Variants in GABRG1 observed in about 807,000 individuals in gnomAD.
The protein encoded by GABRG1 is gamma-aminobutyric acid receptor subunit gamma-1.
GABRG1 carries 49 observed loss-of-function variants against 49.8 expected under a neutral mutation model. That is an observed-to-expected ratio of 0.98 (90% CI 0.78 to 1.25). GABRG1 has a LOEUF of 1.25. GABRG1 is among the 50% of genes most tolerant of loss of function. GABRG1 has a pLI of 0.00. For missense variants in GABRG1, 552 were observed against 552.3 expected (o/e 1.00, Z 0.01); for synonymous variants, 232 against 185.1 (o/e 1.25, Z -2.06).
intron 1 of GABRG1, among the ~76,000 whole-genome samples, chr4:46,105,828 G>GATAC (rs1401375191): frequency 6.7e-6 from 1 of 149,646 alleles, no homozygotes; most frequent in Non-Finnish European, 1.5e-5. Flanking sequence ...TAGATAGATA[G>GATAC]ATAGATGATA....
chr4:46,078,201 A>C (rs1182071709), intron 3 of GABRG1, among the ~76,000 whole-genome samples: 1 of 151,962 alleles, frequency 6.6e-6, no homozygotes, highest in South Asian at 2.1e-4. Context: ...GTGTTTCCTA[A>C]AGTACTGCAA....
chr4:46,073,068 A>AT lies in GABRG1; in HGVS notation c.322-7485dup, dbSNP rs1189214518. 2.2e-3 allele frequency among the ~76,000 whole-genome samples: 332 copies of AT among 152,112 alleles called. 1 individual carries two copies. The highest frequency in any genetic ancestry group is 7.4e-3 in the African/African-American group (307 of 41,562). The stretch of plus-strand genomic sequence containing the variant: ...ATGCCATAAAATAATTTAAAAAATA[A>AT]TTATCCAAAAACATGCCTACTATTT... On this transcript the variant is annotated intron_variant, in intron 3 of 8. Transcript: ENST00000295452.
At chr4:46,078,933 C>G (rs1272626618) in intron 3 of GABRG1, among the ~76,000 whole-genome samples, 1 of 151,814 alleles carries the variant, frequency 6.6e-6, no homozygotes, top group African/African-American at 2.4e-5. Flanking sequence ...AGCCTATCTA[C>G]ATTAAGGTTG....
intron 1 of GABRG1, among the ~76,000 whole-genome samples, chr4:46,102,728 T>A (rs1429808314): frequency 6.6e-6 from 1 of 151,652 alleles, no homozygotes; most frequent in African/African-American, 2.4e-5. Flanking sequence ...ACAAATTTCT[T>A]TGATGACAAG....
rs147130942 is a variant in GABRG1 at position 46,104,310 on chromosome 4, A to C, written c.105-6961T>G. ...AAAAGTAGATAATGATGTAATCATCAACTGTCTATGAAACCAATACACAGT... is the reference window on the plus strand; with the variant it reads ...AAAAGTAGATAATGATGTAATCATCCACTGTCTATGAAACCAATACACAGT... On this transcript the variant is annotated intron_variant, in intron 1 of 8. Coordinates refer to ENST00000295452, the MANE Select transcript of GABRG1 (RefSeq NM_173536.4). Among the ~76,000 whole-genome samples the C allele has an allele frequency of 4.3e-3, 648 of 151,664 alleles. 1 individual carries two copies. Among genetic ancestry groups the C allele is most frequent in the African/African-American group, 0.015 (628 of 41,480 alleles).
chr4:46,055,274 C>T (rs1718391365), intron 7 of GABRG1, among the ~76,000 whole-genome samples: 1 of 6,792 alleles, frequency 1.5e-4, no homozygotes, highest in Admixed American at 1.6e-3. Flanking sequence ...CAAACAACCC[C>T]ATCAAAAAGT....
chr4:46,087,892 A>G (rs1420196704), intron 2 of GABRG1, among the ~76,000 whole-genome samples: 1 of 152,004 alleles, frequency 6.6e-6, no homozygotes, highest in Admixed American at 6.6e-5. Context: ...GTACATAGGG[A>G]TAAGTAGATT....
At chr4:46,111,979 A>T (rs538656207) in intron 1 of GABRG1, among the ~76,000 whole-genome samples, 1 of 151,516 alleles carries the variant, frequency 6.6e-6, no homozygotes, top group South Asian at 2.1e-4. Context: ...ACAAAAACAA[A>T]AATGGACATG....
chr4:46,068,335 G>A (rs982104631), intron 3 of GABRG1, among the ~76,000 whole-genome samples: 1 of 152,122 alleles, frequency 6.6e-6, no homozygotes, highest in African/African-American at 2.4e-5. Context: ...GTTATACTTA[G>A]CTGCAGTATT....
At chr4:46,051,321 G>T in intron 8 of GABRG1, 103 bp downstream of exon 8, 1 of 815,938 alleles carries the variant, frequency 1.2e-6, no homozygotes, top group Non-Finnish European at 1.9e-6. Flanking sequence ...TTGGTTATGG[G>T]TCTCAAGCGT....
At chr4:46,117,550 GTCTC>G (rs373546541) in intron 1 of GABRG1, among the ~76,000 whole-genome samples, 1,804 of 116,592 alleles carry the variant, frequency 0.015, 14 homozygotes, top group Non-Finnish European at 0.026. Flanking sequence ...TGTTATCTCT[GTCTC>G]TCTCTCTCTC....
chr4:46,071,267 T>C (rs148438315), intron 3 of GABRG1, among the ~76,000 whole-genome samples: 166 of 151,956 alleles, frequency 1.1e-3, no homozygotes, highest in African/African-American at 3.8e-3. Flanking sequence ...ATTTCTATCA[T>C]TATTTCAGAT....
chr4:46,052,228 TAA>T (rs11308746), intron 7 of GABRG1, among the ~76,000 whole-genome samples: 12 of 146,604 alleles, frequency 8.2e-5, no homozygotes, highest in Admixed American at 4.1e-4. Context: ...CGCCTTGAAA[TAA>T]AAAAAAAAAA....
chr4:46,087,464 C>A (rs1246549440), intron 2 of GABRG1, among the ~76,000 whole-genome samples: 1 of 151,302 alleles, frequency 6.6e-6, no homozygotes, highest in Non-Finnish European at 1.5e-5. Flanking sequence ...CTTTAAAAAT[C>A]CCTAAATATT....
chr4:46,097,437 A>G lies in GABRG1; in HGVS notation c.105-88T>C, dbSNP rs1720216897. 22 of 1,277,556 alleles carry G rather than the reference A, an allele frequency of 1.7e-5. No homozygotes were observed. In the Admixed American group the frequency reaches 5.2e-4, roughly 30 times the overall value. 79.1% of individuals were successfully genotyped at this position (1,277,556 alleles called of 1,614,324 possible). A position where few individuals can be genotyped will look rare whatever the true frequency, so the allele number is the denominator to read the frequency against. Reference sequence around the variant, plus strand: ...AGTTTAAGTATGTTACAATTGAGTAAGAAAGTAATAATGGCAGACAAAAAG... The same window carrying G: ...AGTTTAAGTATGTTACAATTGAGTAGGAAAGTAATAATGGCAGACAAAAAG... On this transcript the variant is annotated intron_variant, in intron 1 of 8. Coordinates refer to ENST00000295452, the MANE Select transcript of GABRG1 (RefSeq NM_173536.4).
Position 46,065,542 on chromosome 4 carries a change from TG to T in GABRG1, c.363del (p.Asp121GlufsTer4). On this transcript the variant is annotated frameshift_variant, in exon 4 of 9. Transcript: ENST00000295452. LOFTEE classifies it high-confidence loss of function. Reference sequence around the variant, plus strand: ...ATGGTACTATTGAATTTTAAACGACTGTCAAACCAGGTTTGGGCAAAAATTA... The same window carrying T: ...ATGGTACTATTGAATTTTAAACGACTTCAAACCAGGTTTGGGCAAAAATTA... Reference protein sequence around the residue: ...IDIIFAQTWFDSRLKFNSTMK... With the variant: ...IDIIFAQTWFXSRLKFNSTMK... 2 of 1,605,726 alleles carry T rather than the reference TG, an allele frequency of 1.2e-6. No individual in the cohort carries two copies. The highest frequency in any genetic ancestry group is 1.7e-6 in the Non-Finnish European group (2 of 1,172,992).
chr4:46,058,590 A>G lies in GABRG1; in HGVS notation c.658T>C (p.Trp220Arg). 3.7e-6 allele frequency: 6 copies of G among 1,612,726 alleles called. No individual in the cohort carries two copies. Among genetic ancestry groups the G allele is most frequent in the Non-Finnish European group, 5.1e-6 (6 of 1,179,210 alleles). Residue 220 changes from tryptophan (W) to arginine (R), a missense_variant, in exon 6 of 9, where the codon TGG becomes CGG. Trp to Arg is a moderately radical substitution (Grantham distance 101). Coordinates refer to ENST00000295452, the MANE Select transcript of GABRG1 (RefSeq NM_173536.4). The stretch of plus-strand genomic sequence containing the variant: ...GCCACTTCTACGGAGGGCTTTTTCC[A>G]CTTATACTCAATTTCATTTTTAGGG... ...GYPKNEIEYK[W>R]KKPSVEVADP...
At chr4:46,089,305 G>A (rs146973610) in intron 2 of GABRG1, among the ~76,000 whole-genome samples, 70 of 152,102 alleles carry the variant, frequency 4.6e-4, no homozygotes, top group Non-Finnish European at 7.9e-4. Context: ...TTATTTATAC[G>A]TCAAGCCTTT....
intron 1 of GABRG1, among the ~76,000 whole-genome samples, chr4:46,122,071 T>G (rs932915249): frequency 1.3e-5 from 2 of 152,052 alleles, no homozygotes; most frequent in African/African-American, 4.8e-5. Flanking sequence ...GATGAACCTG[T>G]GTTCAGAGAG....
Sources: gnomAD v4.1 joint callset for allele counts (sites outside exome capture counted in the v4.1 genomes callset) on GRCh38, gnomAD v4.1.1 for gene constraint, MANE v1.5 for transcripts, NCBI Gene and HGNC (gene_info 2026-07-23, HGNC 2026-07-21) for gene names.